RIMBP2: variants seen among roughly 807,000 people sequenced by gnomAD.
RIMBP2 encodes the protein RIMS binding protein 2.
A neutral mutation model predicts 118.6 loss-of-function variants in RIMBP2; 48 were observed. That is an observed-to-expected ratio of 0.40 (90% CI 0.32 to 0.51). The LOEUF (loss-of-function observed/expected upper bound fraction) is 0.51. RIMBP2 is among the 20% of genes least tolerant of loss of function. The pLI is 0.41. For missense variants in RIMBP2, 1,551 were observed against 1,768.3 expected (o/e 0.88, Z 2.20); for synonymous variants, 762 against 742.9 (o/e 1.03, Z -0.42).
chr12:130,491,646 A>G (rs1257120559), intron 4 of RIMBP2, among the ~76,000 whole-genome samples: 1 of 152,180 alleles, frequency 6.6e-6, no homozygotes, highest in Non-Finnish European at 1.5e-5. Flanking sequence ...AAGGGGCCCA[A>G]GGATTCCCAA....
At chr12:130,568,546 T>C (rs1055208506) in intron 2 of RIMBP2, among the ~76,000 whole-genome samples, 1 of 152,204 alleles carries the variant, frequency 6.6e-6, no homozygotes, top group South Asian at 2.1e-4. Flanking sequence ...CGTGCTCCCC[T>C]CTGGGAAACC....
At chr12:130,596,423 C>T (rs1380177186) in intron 2 of RIMBP2, among the ~76,000 whole-genome samples, 2 of 152,170 alleles carry the variant, frequency 1.3e-5, no homozygotes, top group Middle Eastern at 3.4e-3. Flanking sequence ...CTCAGACAAC[C>T]TTGCCCAAGG....
intron 3 of RIMBP2, among the ~76,000 whole-genome samples, chr12:130,516,079 T>C (rs1209227677): frequency 1.3e-5 from 2 of 152,234 alleles, no homozygotes; most frequent in African/African-American, 2.4e-5. Context: ...AATTCCATAC[T>C]GTTTTCTATA....
Position 130,442,368 on chromosome 12 carries a change from T to G in RIMBP2, c.984A>C (p.Lys328Asn). 6.2e-7 allele frequency: 1 copy of G among 1,614,058 alleles called. No homozygotes were observed. The highest frequency in any genetic ancestry group is 8.5e-7 in the Non-Finnish European group (1 of 1,180,002). The part of the protein sequence containing the change: ...RKITLIKQLA[K>N]SVIVGWEPPA... ...GGGGCTCCCAGCCCACAATAACACTTTTGGCGAGTTGTTTGATGAGGGTGA... is the reference window on the plus strand; with the variant it reads ...GGGGCTCCCAGCCCACAATAACACTGTTGGCGAGTTGTTTGATGAGGGTGA... The change falls in exon 11 of 23, where the codon AAA (lysine) becomes AAC (asparagine). Residue 328 changes from lysine (K) to asparagine (N), a missense_variant. This residue lies in a region of RIMBP2 where 265 missense variants were observed against 349.5 expected (regional missense o/e 0.76). Transcript: ENST00000690449. The surrounding 1 kb of genome is among the most constrained non-coding windows in gnomAD (Gnocchi z 6.9).
At chr12:130,602,134 A>G (rs1351440456) in intron 2 of RIMBP2, among the ~76,000 whole-genome samples, 2 of 152,322 alleles carry the variant, frequency 1.3e-5, no homozygotes, top group East Asian at 3.9e-4. Flanking sequence ...CCTCGTCTCT[A>G]CTAAAAAATA....
rs1382142310 is a variant in RIMBP2 at position 130,623,066 on chromosome 12, T to C, written c.-217+5256A>G. 6.6e-6 allele frequency among the ~76,000 whole-genome samples: 1 copy of C among 152,242 alleles called. No individual in the cohort carries two copies. The highest frequency in any genetic ancestry group is 1.9e-4 in the East Asian group (1 of 5,198). ...AAATATTTGCCAAGCATCTGTAGTG[T>C]ACAAAATCAGGTTGCTGGGCTACTT... On this transcript the variant is annotated intron_variant, in intron 2 of 22. Transcript: ENST00000690449. The surrounding 1 kb of genome is among the most constrained non-coding windows in gnomAD (Gnocchi z 4.1).
intron 2 of RIMBP2, among the ~76,000 whole-genome samples, chr12:130,593,598 G>C (rs1334804721): frequency 2.0e-5 from 3 of 152,212 alleles, no homozygotes; most frequent in African/African-American, 7.2e-5. Context: ...ACGTGAGTTG[G>C]GCAGCTCTGT....
At chr12:130,625,095 AC>A (rs1326186023) in intron 2 of RIMBP2, among the ~76,000 whole-genome samples, 1 of 152,196 alleles carries the variant, frequency 6.6e-6, no homozygotes, top group Non-Finnish European at 1.5e-5. Flanking sequence ...ATTTTGATAC[AC>A]CCATATAACG....
chr12:130,540,764 C>T (rs534299718), intron 2 of RIMBP2, among the ~76,000 whole-genome samples: 1 of 152,260 alleles, frequency 6.6e-6, no homozygotes, highest in South Asian at 2.1e-4. Flanking sequence ...CTGCAGCACC[C>T]GATTAAACAC....
intron 21 of RIMBP2, among the ~76,000 whole-genome samples, chr12:130,405,854 C>T (rs2075124374): frequency 6.6e-6 from 1 of 152,116 alleles, no homozygotes; most frequent in African/African-American, 2.4e-5. Flanking sequence ...AATCTAGAAA[C>T]TTAAATTGTT....
rs2136441644 is a variant in RIMBP2, at chr12:130,670,418, T to G, written c.-351-41962A>C. Among the ~76,000 whole-genome samples the G allele has an allele frequency of 6.6e-6, 1 of 152,316 alleles. No homozygotes were observed. Among genetic ancestry groups the G allele is most frequent in the East Asian group, 1.9e-4 (1 of 5,180 alleles). On this transcript the variant is annotated intron_variant, in intron 1 of 22. Coordinates refer to ENST00000690449, the MANE Select transcript of RIMBP2 (RefSeq NM_001393629.1). The surrounding 1 kb of genome is among the most constrained non-coding windows in gnomAD (Gnocchi z 4.9). The stretch of plus-strand genomic sequence containing the variant: ...TAGAGGGCAGTAGTCATGTGGGTTC[T>G]CATGAACACGCCAGCCCTGCTCTCT...
At chr12:130,632,406 T>C (rs892667816) in intron 1 of RIMBP2, among the ~76,000 whole-genome samples, 5 of 152,184 alleles carry the variant, frequency 3.3e-5, no homozygotes, top group Non-Finnish European at 7.3e-5. Flanking sequence ...TTTTTTCTAG[T>C]TCTATTACAG....
At chr12:130,663,411 C>A (rs1295114286) in intron 1 of RIMBP2, among the ~76,000 whole-genome samples, 1 of 148,112 alleles carries the variant, frequency 6.8e-6, no homozygotes, top group Non-Finnish European at 1.5e-5. Flanking sequence ...TAGGCAAGTT[C>A]AGCAGCAGAC....
chr12:130,624,215 T>A (rs2061489160), intron 2 of RIMBP2, among the ~76,000 whole-genome samples: 1 of 152,224 alleles, frequency 6.6e-6, no homozygotes. Flanking sequence ...AAATATAGTT[T>A]TCTTTAAAGC....
At chr12:130,627,518 G>A (rs747149601) in intron 2 of RIMBP2, among the ~76,000 whole-genome samples, 3 of 152,118 alleles carry the variant, frequency 2.0e-5, no homozygotes, top group Admixed American at 6.5e-5. Flanking sequence ...CCTGACCATC[G>A]AACTGTGGAT....
At chr12:130,463,730 A>T (rs894448619) in intron 6 of RIMBP2, among the ~76,000 whole-genome samples, 3 of 151,992 alleles carry the variant, frequency 2.0e-5, no homozygotes, top group African/African-American at 7.3e-5. Context: ...CATCTTGAAT[A>T]GGGGCTGGGA....
intron 11 of RIMBP2, 86 bp from the exon 12 acceptor site, chr12:130,438,602 A>G (rs2077735249): frequency 2.4e-6 from 3 of 1,267,878 alleles, no homozygotes; most frequent in Admixed American, 3.0e-5. Flanking sequence ...TCTCACCTGG[A>G]AACGAGATCA....
chr12:130,453,314 A>G (rs2079151337), intron 7 of RIMBP2, among the ~76,000 whole-genome samples: 1 of 152,208 alleles, frequency 6.6e-6, no homozygotes. Flanking sequence ...TGCCCCAGCC[A>G]CAGGCTGGAG....
rs975779691 is a variant in RIMBP2, at chr12:130,613,398, G to C, written c.-217+14924C>G. On this transcript the variant is annotated intron_variant, in intron 2 of 22. Transcript: ENST00000690449. ...GAAGCCACAGGGCAAGAGAACCTGA[G>C]TGAGGAAGTCCAGTGAGCCCAGCCC... 3.9e-5 allele frequency among the ~76,000 whole-genome samples: 6 copies of C among 152,304 alleles called. No homozygotes were observed. In the South Asian group the frequency reaches 6.2e-4, roughly 16 times the overall value.
Sources: allele counts gnomAD v4.1 joint callset (sites outside exome capture counted in the v4.1 genomes callset), GRCh38; gene constraint gnomAD v4.1.1; regional missense constraint gnomAD v4.1.1; non-coding constraint Gnocchi (gnomAD v3.1); transcripts MANE v1.5; gene names NCBI Gene and HGNC (gene_info 2026-07-23, HGNC 2026-07-21).